Variants in MS4A8 observed in about 807,000 individuals in gnomAD.
MS4A8 encodes the protein membrane spanning 4-domains A8, also known as membrane-spanning 4-domains subfamily A member 8.
A neutral mutation model predicts 23.7 loss-of-function variants in MS4A8; 27 were observed. The observed-to-expected ratio is 1.14, with a 90% CI of 0.84 to 1.57. The LOEUF is 1.57. MS4A8 is among the 40% of genes most tolerant of loss of function. The pLI is 0.00. For synonymous variants in MS4A8, 138 were observed against 126.3 expected (o/e 1.09, Z -0.62); for missense variants, 301 against 311.4 (o/e 0.97, Z 0.25).
At chr11:60,706,654 G>A (rs1184775901) in intron 3 of MS4A8, among the ~76,000 whole-genome samples, 2 of 152,156 alleles carry the variant, frequency 1.3e-5, no homozygotes, top group Non-Finnish European at 2.9e-5. Context: ...CAGATGTAGG[G>A]CATAAGTTGT....
Position 60,700,938 on chromosome 11 carries a change from C to T in MS4A8, c.78C>T (p.Thr26=), listed in dbSNP as rs200254161. 1.7e-5 allele frequency: 28 copies of T among 1,614,140 alleles called. No homozygotes were observed. The East Asian group carries it at 5.3e-4, about 31-fold the overall frequency. ...VVAPHNGYPV[T]PGIMSHVPLY... ...CACCCCACAATGGTTATCCTGTGAC[C>T]CCAGGAATTATGTCTCACGTGCCCC... The change falls in exon 2 of 7, where the codon ACC becomes ACT. Residue 26 remains threonine, a synonymous_variant. Coordinates refer to ENST00000300226, the MANE Select transcript of MS4A8 (RefSeq NM_031457.2).
At position 60,714,086 on chromosome 11, in the gene MS4A8, G is replaced by A. The variant is rs1165250742; in HGVS notation, c.535-935G>A. 4.7e-5 allele frequency among the ~76,000 whole-genome samples: 7 copies of A among 148,048 alleles called. 1 individual carries two copies. The highest frequency in any genetic ancestry group is 3.9e-4 in the East Asian group (2 of 5,142). On this transcript the variant is annotated intron_variant, in intron 5 of 6. Transcript: ENST00000300226. ...ACTACAGGCACCCGCCACCGCGCCC[G>A]GCTAATTTTTTGTATTTTTAGTAGA...
chr11:60,710,794 C>T (rs1590955162), intron 5 of MS4A8, among the ~76,000 whole-genome samples: 1 of 152,348 alleles, frequency 6.6e-6, no homozygotes, highest in African/African-American at 2.4e-5. Context: ...TGCTGCCATC[C>T]TCTGGTTCTG....
intron 2 of MS4A8, among the ~76,000 whole-genome samples, chr11:60,702,641 C>T (rs1490223808): frequency 2.6e-5 from 4 of 152,160 alleles, no homozygotes; most frequent in African/African-American, 9.7e-5. Flanking sequence ...ACCTGTGATC[C>T]GCCCGTCTCA....
At chr11:60,714,386 A>G (rs897973442) in intron 5 of MS4A8, among the ~76,000 whole-genome samples, 1 of 152,082 alleles carries the variant, frequency 6.6e-6, no homozygotes, top group Admixed American at 6.5e-5. Flanking sequence ...AGGCAGAAGA[A>G]TTTTTCTTAG....
chr11:60,708,360 C>T (rs1181506266), intron 4 of MS4A8, among the ~76,000 whole-genome samples: 1 of 152,190 alleles, frequency 6.6e-6, no homozygotes, highest in Non-Finnish European at 1.5e-5. Context: ...TTGCACAGAA[C>T]ACCCCTTTAC....
intron 5 of MS4A8, among the ~76,000 whole-genome samples, chr11:60,712,783 C>G (rs541241936): frequency 1.3e-5 from 2 of 150,832 alleles, no homozygotes; most frequent in Non-Finnish European, 2.9e-5. Context: ...CAGAGCAACA[C>G]TCTGTCTCAA....
intron 3 of MS4A8, among the ~76,000 whole-genome samples, chr11:60,704,810 G>GT (rs1188650698): frequency 7.2e-6 from 1 of 138,618 alleles, no homozygotes; most frequent in Non-Finnish European, 1.5e-5. Flanking sequence ...GTGTCCCCCT[G>GT]CCCACACACA....
At chr11:60,701,858 G>A (rs908135038) in intron 2 of MS4A8, among the ~76,000 whole-genome samples, 4 of 152,162 alleles carry the variant, frequency 2.6e-5, no homozygotes, top group African/African-American at 9.7e-5. Flanking sequence ...GGTTAAGTCA[G>A]TGTAATATAC....
At chr11:60,707,812 C>CTTTTTTTTTTT (rs5792195) in intron 4 of MS4A8, among the ~76,000 whole-genome samples, 550 of 54,980 alleles carry the variant, frequency 0.01, no homozygotes, top group Middle Eastern at 0.015. Context: ...TTTTCTTTTT[C>CTTTTTTTTTTT]TTTTTTTTTT....
At position 60,715,372 on chromosome 11, in the gene MS4A8, C is replaced by G; in HGVS notation, c.711C>G (p.Thr237=). 6.2e-7 allele frequency: 1 copy of G among 1,614,076 alleles called. No homozygotes were observed. The highest frequency in any genetic ancestry group is 8.5e-7 in the Non-Finnish European group (1 of 1,180,024). The part of the protein sequence containing the change: ...ANPVITPEPV[T]SPPSYSSEIQ... Reference sequence around the variant, plus strand: ...CAGTGATCACCCCAGAACCGGTGACCTCACCACCAAGTTATTCCAGTGAGA... The same window carrying G: ...CAGTGATCACCCCAGAACCGGTGACGTCACCACCAAGTTATTCCAGTGAGA... The change falls in exon 7 of 7, where the codon ACC becomes ACG. Residue 237 remains threonine (T), a synonymous_variant. Coordinates refer to ENST00000300226, the MANE Select transcript of MS4A8 (RefSeq NM_031457.2).
intron 2 of MS4A8, among the ~76,000 whole-genome samples, chr11:60,702,455 C>G (rs376831070): frequency 1.3e-5 from 2 of 152,134 alleles, no homozygotes; most frequent in East Asian, 1.9e-4. Context: ...CAGGCTGGAG[C>G]GCAGTGGCGC....
intron 2 of MS4A8, 43 bp from the exon 3 acceptor site, chr11:60,703,335 C>A: frequency 6.7e-7 from 1 of 1,492,280 alleles, no homozygotes; most frequent in Admixed American, 2.6e-5. Context: ...GAGGCAGGAC[C>A]CAGCCTCAGA....
intron 5 of MS4A8, among the ~76,000 whole-genome samples, chr11:60,713,814 T>C (rs1357585202): frequency 6.6e-6 from 1 of 152,036 alleles, no homozygotes; most frequent in Non-Finnish European, 1.5e-5. Flanking sequence ...TACCTGGCTT[T>C]CCTAGGCAGA....
chr11:60,700,763 G>C (rs970523635), intron 1 of MS4A8, 97 bp from the exon 2 acceptor site: 16 of 1,176,732 alleles, frequency 1.4e-5, no homozygotes, highest in Non-Finnish European at 1.8e-5. Flanking sequence ...ACTTGTAGAG[G>C]GTTAAGATGC....
intron 5 of MS4A8, among the ~76,000 whole-genome samples, chr11:60,712,992 G>A (rs546292085): frequency 6.6e-6 from 1 of 152,188 alleles, no homozygotes; most frequent in East Asian, 1.9e-4. Flanking sequence ...GTATTCTTGG[G>A]TAACAGCAAA....
intron 3 of MS4A8, 43 bp downstream of exon 3, chr11:60,703,543 G>A: frequency 1.3e-6 from 2 of 1,595,550 alleles, no homozygotes; most frequent in East Asian, 2.3e-5. Context: ...CCCAGAAGGT[G>A]CCAAGGCACT....
At position 60,700,414 on chromosome 11, in the gene MS4A8, C is replaced by T. The variant is rs879315648; in HGVS notation, c.-1-446C>T. ...TACAAAAATTAGCTGGGTGTGGTGG[C>T]GGGGGCCTGTAATCCCAGATACTCA... On this transcript the variant is annotated intron_variant, in intron 1 of 6. Coordinates refer to ENST00000300226, the MANE Select transcript of MS4A8 (RefSeq NM_031457.2). 5.3e-5 allele frequency among the ~76,000 whole-genome samples: 8 copies of T among 152,040 alleles called. 1 individual carries two copies. Among genetic ancestry groups the T allele is most frequent in the Non-Finnish European group, 7.4e-5 (5 of 68,000 alleles).
At chr11:60,707,334 T>C (rs1307789822) in intron 4 of MS4A8, among the ~76,000 whole-genome samples, 1 of 149,806 alleles carries the variant, frequency 6.7e-6, no homozygotes, top group Non-Finnish European at 1.5e-5. Flanking sequence ...GAGAGAGAGA[T>C]AACAGCTTTC....
Sources: allele counts gnomAD v4.1 joint callset (sites outside exome capture counted in the v4.1 genomes callset), GRCh38; gene constraint gnomAD v4.1.1; transcripts MANE v1.5; gene names NCBI Gene and HGNC (gene_info 2026-07-23, HGNC 2026-07-21).